Variants in RPS6KC1 observed in about 807,000 individuals in gnomAD.
The protein encoded by RPS6KC1 is inactive ribosomal protein S6 kinase delta-1.
RPS6KC1 carries 54 observed loss-of-function variants against 103.8 expected under a neutral mutation model. The ratio of observed to expected loss-of-function variants is 0.52; its 90% confidence interval spans 0.42 to 0.65. The LOEUF is 0.65. Ranked by LOEUF, RPS6KC1 falls within the 30% of genes least tolerant of loss-of-function variation. The pLI, the probability that RPS6KC1 is intolerant of heterozygous loss-of-function variation, is 0.00. For synonymous variants in RPS6KC1, 439 were observed against 438.7 expected, an observed-to-expected ratio of 1.00 and a Z score of -0.01; for missense variants, 1,151 against 1,253.8, an observed-to-expected ratio of 0.92 and a Z score of 1.24.
At chr1:213,685,233 C>T in the RPS6KC1 span, among the ~76,000 whole-genome samples, 2 of 152,158 alleles carry the variant, frequency 1.3e-5, no homozygotes, top group Non-Finnish European at 2.9e-5. Context: ...GGAGCACAGA[C>T]TTTGAAATCA....
At chr1:213,570,689 C>T in the RPS6KC1 span, among the ~76,000 whole-genome samples, 2 of 152,168 alleles carry the variant, frequency 1.3e-5, no homozygotes, top group South Asian at 4.1e-4. Context: ...CACTTTTTAT[C>T]AAATGAGTCA....
At chr1:213,079,927 T>G (rs1165915353) in intron 3 of RPS6KC1, among the ~76,000 whole-genome samples, 1 of 151,006 alleles carries the variant, frequency 6.6e-6, no homozygotes, top group Non-Finnish European at 1.5e-5. Flanking sequence ...TCTTTTTTTT[T>G]TTTTTTGAGA....
the RPS6KC1 span, among the ~76,000 whole-genome samples, chr1:213,653,481 T>G: frequency 0.43 from 65,282 of 151,772 alleles, 14,549 homozygotes; most frequent in Non-Finnish European, 0.51. Flanking sequence ...ATTACTAGCA[T>G]TCTTAATTTT....
the RPS6KC1 span, among the ~76,000 whole-genome samples, chr1:213,346,559 T>A: frequency 6.6e-6 from 1 of 151,894 alleles, no homozygotes; most frequent in Non-Finnish European, 1.5e-5. Context: ...TATCTCGGAG[T>A]AATGGGATAG....
intron 1 of RPS6KC1, among the ~76,000 whole-genome samples, chr1:213,065,699 C>G (rs1047426599): frequency 6.6e-6 from 1 of 152,172 alleles, no homozygotes; most frequent in African/African-American, 2.4e-5. Context: ...TTTTATAATG[C>G]AGTTGCGTAG....
chr1:213,310,142 A>G, the RPS6KC1 span, among the ~76,000 whole-genome samples: 48 of 152,156 alleles, frequency 3.2e-4, 1 homozygote, highest in East Asian at 7.9e-3. Context: ...TGGCTTTCCA[A>G]TTGGTTTCCC....
At chr1:213,389,816 G>A in the RPS6KC1 span, among the ~76,000 whole-genome samples, 11 of 152,106 alleles carry the variant, frequency 7.2e-5, no homozygotes, top group African/African-American at 2.7e-4. Flanking sequence ...TTTATCTCCT[G>A]CTCTTCATCT....
chr1:213,655,507 G>A, the RPS6KC1 span, among the ~76,000 whole-genome samples: 1 of 152,180 alleles, frequency 6.6e-6, no homozygotes, highest in East Asian at 1.9e-4. Context: ...CCCCTCACTT[G>A]TGGAAAAGGA....
At chr1:213,077,522 T>A (rs557725927) in intron 2 of RPS6KC1, among the ~76,000 whole-genome samples, 174 bp from the exon 3 acceptor site, 1 of 152,334 alleles carries the variant, frequency 6.6e-6, no homozygotes, top group African/African-American at 2.4e-5. Flanking sequence ...GGAATCTGCC[T>A]TATATTTTTA....
At chr1:213,280,950 C>T in the RPS6KC1 span, among the ~76,000 whole-genome samples, 1 of 152,064 alleles carries the variant, frequency 6.6e-6, no homozygotes, top group South Asian at 2.1e-4. Flanking sequence ...CCAAAATCAC[C>T]ATTTGATAGA....
Position 213,242,584 on chromosome 1 carries a change from C to T in RPS6KC1, c.2837C>T (p.Thr946Met), listed in dbSNP as rs1424178002. The change falls in exon 12 of 15, where the codon ACG (threonine) becomes ATG (methionine). Residue 946 changes from threonine (T) to methionine (M), a missense_variant. This residue lies in a region of RPS6KC1 where 189 missense variants were observed against 228.8 expected (regional missense o/e 0.83). Coordinates refer to ENST00000366960, the MANE Select transcript of RPS6KC1 (RefSeq NM_012424.6). ...LLNDRGHIQL[T>M]YFSRWSEVED... is the part of the protein sequence containing the mutation. ...TTGTTTTTAGGACACATTCAGCTAA[C>T]GTATTTTAGCAGGTGGAGTGAGGTT... is the stretch of plus-strand genomic sequence containing the variant. The T allele has an allele frequency of 8.9e-6, 14 of 1,580,788 alleles. No homozygotes were observed. Among genetic ancestry groups the T allele is most frequent in the Middle Eastern group, 1.7e-4 (1 of 5,934 alleles).
chr1:213,634,053 A>G, the RPS6KC1 span, among the ~76,000 whole-genome samples: 4 of 152,232 alleles, frequency 2.6e-5, no homozygotes, highest in East Asian at 1.9e-4. Flanking sequence ...TATGCACCCA[A>G]TAAAGGAGCA....
chr1:213,724,296 T>C, the RPS6KC1 span, among the ~76,000 whole-genome samples: 1 of 152,128 alleles, frequency 6.6e-6, no homozygotes, highest in East Asian at 1.9e-4. Flanking sequence ...GCCAGGCTGG[T>C]CTCAAACTCC....
At chr1:213,328,504 C>CCATATATA in the RPS6KC1 span, among the ~76,000 whole-genome samples, 37 of 101,462 alleles carry the variant, frequency 3.6e-4, no homozygotes, top group Admixed American at 1.3e-3. Context: ...AGCCATTATA[C>CCATATATA]TATATATATA....
At chr1:213,366,857 C>G in the RPS6KC1 span, among the ~76,000 whole-genome samples, 1 of 152,188 alleles carries the variant, frequency 6.6e-6, no homozygotes, top group Non-Finnish European at 1.5e-5. Context: ...TGTTTCTCAG[C>G]CAAAATCTGT....
the RPS6KC1 span, among the ~76,000 whole-genome samples, chr1:213,593,107 G>A: frequency 7.9e-5 from 12 of 152,198 alleles, no homozygotes; most frequent in Middle Eastern, 6.8e-3. Context: ...GCAGGGACTC[G>A]AGATGCTCAA....
intron 1 of RPS6KC1, among the ~76,000 whole-genome samples, chr1:213,059,010 A>G (rs1445541568): frequency 6.6e-6 from 1 of 152,172 alleles, no homozygotes; most frequent in Non-Finnish European, 1.5e-5. Context: ...GTATTTTTGT[A>G]GCTATTGTCA....
the RPS6KC1 span, among the ~76,000 whole-genome samples, chr1:213,465,469 G>A: frequency 1.3e-5 from 2 of 152,156 alleles, no homozygotes; most frequent in African/African-American, 4.8e-5. Flanking sequence ...GGCTGTGCCA[G>A]TTTCCTCGCC....
chr1:213,752,165 A>G, the RPS6KC1 span, among the ~76,000 whole-genome samples: 1 of 152,158 alleles, frequency 6.6e-6, no homozygotes, highest in African/African-American at 2.4e-5. Flanking sequence ...CAGAGAAAAT[A>G]CCCTTCGATA....
Sources: gnomAD v4.1 joint callset for allele counts (sites outside exome capture counted in the v4.1 genomes callset) on GRCh38, gnomAD v4.1.1 for gene constraint, gnomAD v4.1.1 regional missense constraint, MANE v1.5 for transcripts, NCBI Gene and HGNC (gene_info 2026-07-23, HGNC 2026-07-21) for gene names.